The following LMBR1 variants were observed in gnomAD, a reference collection of about 807,000 sequenced individuals.
LMBR1 encodes the protein limb region 1 protein homolog.
LMBR1 carries 52 observed loss-of-function variants against 73.9 expected under a neutral mutation model. The ratio of observed to expected loss-of-function variants is 0.70; its 90% CI spans 0.56 to 0.89. The LOEUF is 0.89. LMBR1 is among the 40% of genes least tolerant of loss of function. The pLI, the probability that LMBR1 is intolerant of heterozygous loss-of-function variation, is 0.00. For synonymous variants in LMBR1, 215 were observed against 209.4 expected, an observed-to-expected ratio of 1.03 and a Z score of -0.23; for missense variants, 539 against 579.8, an observed-to-expected ratio of 0.93 and a Z score of 0.72.
At chr7:156,885,645 G>A (rs2134534132) in intron 1 of LMBR1, among the ~76,000 whole-genome samples, 1 of 152,260 alleles carries the variant, frequency 6.6e-6, no homozygotes, top group East Asian at 1.9e-4. Context: ...GGGAGGCCAA[G>A]GCAGGAGGAT....
At chr7:156,882,579 T>C (rs764169319) in intron 1 of LMBR1, among the ~76,000 whole-genome samples, 2 of 152,150 alleles carry the variant, frequency 1.3e-5, no homozygotes, top group African/African-American at 2.4e-5. Flanking sequence ...ATTCACAGAC[T>C]CAAAGAGTGT....
At chr7:156,864,585 T>C (rs1038471294) in intron 1 of LMBR1, among the ~76,000 whole-genome samples, 1 of 152,226 alleles carries the variant, frequency 6.6e-6, no homozygotes, top group African/African-American at 2.4e-5. Flanking sequence ...CATATACCTC[T>C]ATATACTTGG....
In LMBR1 at chr7:156,765,838, C is replaced by A. The variant is rs192969728; in HGVS notation, c.424-2043G>T. On this transcript the variant is annotated intron_variant, in intron 5 of 16. Transcript: ENST00000353442. The stretch of plus-strand genomic sequence containing the variant: ...CAAAACAAATAACACATGCATTATA[C>A]CTGTAATATACATGAGCTAAACAGT... Among the ~76,000 whole-genome samples the A allele has an allele frequency of 1.4e-3, 217 of 152,216 alleles. 1 individual carries two copies. The highest frequency in any genetic ancestry group is 0.014 in the Middle Eastern group (4 of 294).
intron 1 of LMBR1, among the ~76,000 whole-genome samples, chr7:156,840,410 G>T (rs1206440605): frequency 6.6e-6 from 1 of 151,808 alleles, no homozygotes; most frequent in African/African-American, 2.4e-5. Flanking sequence ...GAGGAACGGG[G>T]GAGGATTTGA....
At chr7:156,721,859 A>G (rs1341090813) in intron 15 of LMBR1, among the ~76,000 whole-genome samples, 1 of 152,150 alleles carries the variant, frequency 6.6e-6, no homozygotes, top group Non-Finnish European at 1.5e-5. Flanking sequence ...TCATTCAAAT[A>G]TAACAAGCTA....
chr7:156,721,388 A>G (rs987514974), intron 15 of LMBR1, among the ~76,000 whole-genome samples: 1 of 152,122 alleles, frequency 6.6e-6, no homozygotes, highest in Non-Finnish European at 1.5e-5. Context: ...CACAGAATCT[A>G]TTCTTCTAAA....
chr7:156,818,993 G>A (rs939929641), intron 4 of LMBR1, among the ~76,000 whole-genome samples: 34 of 152,144 alleles, frequency 2.2e-4, no homozygotes, highest in African/African-American at 8.0e-4. Context: ...ACAGCATCAA[G>A]CTGACAAGTG....
intron 4 of LMBR1, chr7:156,822,357 TGA>T (rs914626573): frequency 6.7e-4 from 102 of 152,330 alleles, no homozygotes; most frequent in African/African-American, 2.3e-3. Context: ...GATAAAAGAC[TGA>T]GACTCTGAAA....
downstream of LMBR1, chr7:156,677,674 T>G (rs1326212811): frequency 6.6e-6 from 1 of 152,252 alleles, no homozygotes; most frequent in Non-Finnish European, 1.5e-5. Flanking sequence ...AATTTCTATT[T>G]ATTCTTATCT....
chr7:156,809,914 A>AT (rs1832794725), intron 4 of LMBR1, among the ~76,000 whole-genome samples: 1 of 152,170 alleles, frequency 6.6e-6, no homozygotes, highest in Admixed American at 6.5e-5. Flanking sequence ...CAGTGGGTTT[A>AT]TAGTTCTCAT....
intron 1 of LMBR1, among the ~76,000 whole-genome samples, chr7:156,843,634 T>C (rs1839092838): frequency 6.6e-6 from 1 of 151,936 alleles, no homozygotes; most frequent in Non-Finnish European, 1.5e-5. Flanking sequence ...TCACTTGAGG[T>C]CAGGAGTTCA....
At chr7:156,720,081 C>T (rs1327202962) in intron 15 of LMBR1, among the ~76,000 whole-genome samples, 2 of 151,606 alleles carry the variant, frequency 1.3e-5, no homozygotes, top group Non-Finnish European at 2.9e-5. Flanking sequence ...AAAGCAATGG[C>T]AACAAAAGCC....
intron 9 of LMBR1, chr7:156,736,433 T>A (rs1817880052): frequency 2.3e-6 from 1 of 436,002 alleles, no homozygotes; most frequent in South Asian, 1.6e-5. Context: ...GTGATTTTTT[T>A]AAAGGTTTTA....
At chr7:156,801,511 T>G (rs754783488) in intron 4 of LMBR1, among the ~76,000 whole-genome samples, 10 of 152,184 alleles carry the variant, frequency 6.6e-5, no homozygotes, top group Non-Finnish European at 1.3e-4. Flanking sequence ...CTCCAAGGTA[T>G]GCCTGTCACT....
At chr7:156,754,902 T>C (rs2132780871) in intron 9 of LMBR1, among the ~76,000 whole-genome samples, 1 of 152,334 alleles carries the variant, frequency 6.6e-6, no homozygotes, top group Admixed American at 6.5e-5. Context: ...CATTTAGCTC[T>C]TTATTTTCCA....
chr7:156,720,214 A>C (rs1814227968), intron 15 of LMBR1, among the ~76,000 whole-genome samples: 1 of 152,094 alleles, frequency 6.6e-6, no homozygotes, highest in African/African-American at 2.4e-5. Context: ...CATCTGACAA[A>C]GGGCTAATAT....
At chr7:156,765,311 T>C (rs553898129) in intron 5 of LMBR1, among the ~76,000 whole-genome samples, 11 of 152,278 alleles carry the variant, frequency 7.2e-5, no homozygotes, top group African/African-American at 2.4e-4. Flanking sequence ...TCTCATGATA[T>C]TGAGTGAGTT....
rs1007926188 is a variant in LMBR1 at position 156,698,298 on chromosome 7, T to A, written c.1226-10107A>T. On this transcript the variant is annotated intron_variant, in intron 15 of 16. Transcript: ENST00000353442. ...GGTTTTCCAGGCACACAGTGCAAGCTGTCAGTGGATCTACCATTTTGAGGT... is the reference window on the plus strand; with the variant it reads ...GGTTTTCCAGGCACACAGTGCAAGCAGTCAGTGGATCTACCATTTTGAGGT... Among the ~76,000 whole-genome samples, 2 of 152,244 alleles carry A rather than the reference T, an allele frequency of 1.3e-5. 1 individual carries two copies.
chr7:156,687,137 T>A (rs978569138), intron 16 of LMBR1, among the ~76,000 whole-genome samples: 1 of 152,230 alleles, frequency 6.6e-6, no homozygotes, highest in Non-Finnish European at 1.5e-5. Context: ...GCTGCTCATA[T>A]CGTTTAAGTT....
Sources: allele counts gnomAD v4.1 joint callset (sites outside exome capture counted in the v4.1 genomes callset), GRCh38; gene constraint gnomAD v4.1.1; transcripts MANE v1.5; gene names NCBI Gene and HGNC (gene_info 2026-07-23, HGNC 2026-07-21).